Variants in SGPP2 observed in about 807,000 individuals in gnomAD.
SGPP2 encodes sphingosine 1-phosphate phosphohydrolase 2.
Under a neutral mutation model 33.9 loss-of-function variants are expected in SGPP2, and 30 were observed. The observed-to-expected ratio is 0.89, with a 90% CI of 0.66 to 1.20. The LOEUF is 1.20. Ranked by LOEUF, SGPP2 falls within the 50% of genes most tolerant of loss-of-function variation. The probability of loss-of-function intolerance (pLI) is 0.00; values close to 1 mark genes in which losing one functional copy is unlikely to be tolerated. For synonymous variants in SGPP2, 233 were observed against 225.0 expected, an observed-to-expected ratio of 1.04 and a Z score of -0.32; for missense variants, 458 against 532.1, an observed-to-expected ratio of 0.86 and a Z score of 1.37.
At chr2:222,497,080 G>T (rs1341845150) in intron 2 of SGPP2, among the ~76,000 whole-genome samples, 2 of 152,136 alleles carry the variant, frequency 1.3e-5, no homozygotes, top group Non-Finnish European at 2.9e-5. Flanking sequence ...TTAATGGAAT[G>T]GCTCCCCATT....
intron 1 of SGPP2, among the ~76,000 whole-genome samples, chr2:222,443,903 GAAA>G (rs1174172190): frequency 6.6e-6 from 1 of 152,190 alleles, no homozygotes; most frequent in Admixed American, 6.5e-5. Flanking sequence ...CCTTATCTGT[GAAA>G]TGGGGAGAAA....
chr2:222,429,368 TA>T (rs1417694642), intron 1 of SGPP2, among the ~76,000 whole-genome samples: 1 of 152,220 alleles, frequency 6.6e-6, no homozygotes, highest in Admixed American at 6.5e-5. Context: ...TCACCATAAC[TA>T]AACTGGCCAA....
In SGPP2 at chr2:222,477,123, ATGTGTG is replaced by A. The variant is rs368142826; in HGVS notation, c.378+2401_378+2406del. Reference sequence around the variant, plus strand: ...TGTATATAGGTGTGTATATATGTGTATGTGTGTGTATATAGGTGTGTATATATCTGT... The same window carrying A: ...TGTATATAGGTGTGTATATATGTGTATGTATATAGGTGTGTATATATCTGT... On this transcript the variant is annotated intron_variant, in intron 2 of 4. Transcript: ENST00000321276. This position sits in a 1 kb window ranked among gnomAD's most constrained non-coding sequence, Gnocchi z 6.0. Among the ~76,000 whole-genome samples the A allele has an allele frequency of 6.7e-6, 1 of 148,770 alleles. No homozygotes were observed. The highest frequency in any genetic ancestry group is 2.2e-4 in the South Asian group (1 of 4,636).
intron 1 of SGPP2, among the ~76,000 whole-genome samples, chr2:222,459,325 T>C (rs1697623544): frequency 2.0e-5 from 3 of 151,960 alleles, no homozygotes; most frequent in African/African-American, 7.3e-5. Context: ...TTTTATATTT[T>C]TTGTAGGGAC....
At position 222,503,292 on chromosome 2, in the gene SGPP2, C is replaced by T. The variant is rs1305828976; in HGVS notation, c.379-18475C>T. On this transcript the variant is annotated intron_variant, in intron 2 of 4. Coordinates refer to ENST00000321276, the MANE Select transcript of SGPP2 (RefSeq NM_152386.4). Reference sequence around the variant, plus strand: ...TAGCTAAAACTATATGTTAAAATGACGATGAATTTAAATTTTATTAAATAT... The same window carrying T: ...TAGCTAAAACTATATGTTAAAATGATGATGAATTTAAATTTTATTAAATAT... Among the ~76,000 whole-genome samples, 9 of 151,962 alleles carry T rather than the reference C, an allele frequency of 5.9e-5. No homozygotes were observed. In the South Asian group the frequency reaches 6.2e-4, roughly 11 times the overall value.
chr2:222,551,253 A>C (rs1476961816), intron 4 of SGPP2, among the ~76,000 whole-genome samples: 1 of 152,164 alleles, frequency 6.6e-6, no homozygotes, highest in Non-Finnish European at 1.5e-5. Flanking sequence ...CATCTGCCCT[A>C]TAGCTTGTCC....
At chr2:222,503,335 A>G (rs1362292455) in intron 2 of SGPP2, among the ~76,000 whole-genome samples, 1 of 152,244 alleles carries the variant, frequency 6.6e-6, no homozygotes, top group African/African-American at 2.4e-5. Context: ...AATATTTCAA[A>G]CATATTAAGG....
chr2:222,491,469 A>C (rs1698196259), intron 2 of SGPP2, among the ~76,000 whole-genome samples: 1 of 152,200 alleles, frequency 6.6e-6, no homozygotes, highest in South Asian at 2.1e-4. Context: ...CACATCTTAC[A>C]TGGCAGCAGG....
chr2:222,491,965 A>G (rs1045969887), intron 2 of SGPP2, among the ~76,000 whole-genome samples: 2 of 152,220 alleles, frequency 1.3e-5, no homozygotes, highest in Non-Finnish European at 2.9e-5. Context: ...GACCCCGTGC[A>G]TGTCTAAAAT....
At chr2:222,479,698 C>T (rs962467364) in intron 2 of SGPP2, among the ~76,000 whole-genome samples, 3 of 152,084 alleles carry the variant, frequency 2.0e-5, no homozygotes, top group Admixed American at 6.5e-5. Context: ...CCACCGCGCC[C>T]GGCCTCTTAT....
intron 2 of SGPP2, among the ~76,000 whole-genome samples, chr2:222,500,954 A>T (rs891407290): frequency 6.6e-6 from 1 of 152,154 alleles, no homozygotes; most frequent in African/African-American, 2.4e-5. Flanking sequence ...GAGACAAAGA[A>T]CTCAGACCTG....
chr2:222,425,123 A>G (rs900028114), intron 1 of SGPP2, among the ~76,000 whole-genome samples: 2 of 152,222 alleles, frequency 1.3e-5, no homozygotes, highest in Non-Finnish European at 2.9e-5. Flanking sequence ...GCAAATATGT[A>G]AGAGTTACGT....
chr2:222,428,019 A>G (rs1226835644), intron 1 of SGPP2, among the ~76,000 whole-genome samples: 1 of 152,164 alleles, frequency 6.6e-6, no homozygotes. Context: ...GAGGACTTCC[A>G]GGATATCCAC....
intron 2 of SGPP2, among the ~76,000 whole-genome samples, chr2:222,510,576 G>A (rs1574869249): frequency 2.0e-5 from 3 of 152,148 alleles, no homozygotes; most frequent in East Asian, 3.8e-4. Context: ...GGTGGAGGGG[G>A]CTATGAGTGT....
intron 1 of SGPP2, among the ~76,000 whole-genome samples, chr2:222,425,644 A>G (rs1165216882): frequency 6.6e-6 from 1 of 152,214 alleles, no homozygotes; most frequent in Non-Finnish European, 1.5e-5. Flanking sequence ...GTCTACCGGG[A>G]GCACTGGCAG....
At chr2:222,530,637 G>A (rs1698824332) in intron 4 of SGPP2, among the ~76,000 whole-genome samples, 1 of 152,168 alleles carries the variant, frequency 6.6e-6, no homozygotes, top group African/African-American at 2.4e-5. Flanking sequence ...TTTGGCTTAA[G>A]GGAATGTTGT....
intron 1 of SGPP2, among the ~76,000 whole-genome samples, chr2:222,454,167 G>A (rs1697535802): frequency 6.6e-6 from 1 of 151,486 alleles, no homozygotes; most frequent in Admixed American, 6.6e-5. Context: ...GATTTTTTTT[G>A]CCAATACAAA....
chr2:222,446,090 C>T (rs746178817), intron 1 of SGPP2, among the ~76,000 whole-genome samples: 29 of 152,260 alleles, frequency 1.9e-4, no homozygotes, highest in Admixed American at 4.6e-4. Context: ...CCCTTGAATG[C>T]TAGGTGAACA....
At chr2:222,440,715 A>G (rs1474893537) in intron 1 of SGPP2, among the ~76,000 whole-genome samples, 1 of 151,984 alleles carries the variant, frequency 6.6e-6, no homozygotes, top group African/African-American at 2.4e-5. Context: ...AAGTAGATCA[A>G]ATTTGCACAT....
Sources: gnomAD v4.1 joint callset for allele counts (sites outside exome capture counted in the v4.1 genomes callset) on GRCh38, gnomAD v4.1.1 for gene constraint, Gnocchi (gnomAD v3.1) non-coding constraint, MANE v1.5 for transcripts, NCBI Gene and HGNC (gene_info 2026-07-23, HGNC 2026-07-21) for gene names.